FAR2: variants seen among roughly 807,000 people sequenced by gnomAD.
FAR2 encodes the protein epididymis secretory protein Li 81.
Under a neutral mutation model 56.0 loss-of-function variants are expected in FAR2, and 19 were observed. That is an observed-to-expected ratio of 0.34 (90% CI 0.24 to 0.50). The LOEUF (loss-of-function observed/expected upper bound fraction) is 0.50. Among genes scored for constraint, FAR2 ranks in the 20% least tolerant of loss-of-function variants. The pLI is 0.98. For synonymous variants in FAR2, 219 were observed against 218.8 expected (o/e 1.00, Z -0.01); for missense variants, 508 against 642.2 (o/e 0.79, Z 2.26).
At position 29,322,626 on chromosome 12, in the gene FAR2, A is replaced by T. The variant is rs750343833; in HGVS notation, c.1257+702A>T. Among the ~76,000 whole-genome samples the T allele has an allele frequency of 8.5e-5, 13 of 152,204 alleles. 1 individual carries two copies. Among genetic ancestry groups the T allele is most frequent in the Non-Finnish European group, 8.8e-5 (6 of 68,040 alleles). On this transcript the variant is annotated intron_variant, in intron 10 of 11. Coordinates refer to ENST00000536681, the MANE Select transcript of FAR2 (RefSeq NM_001271783.2). Reference sequence around the variant, plus strand: ...ATTCTGAAATTCTTTTGTATATTATACATGTTCCTAGCCTTTTTCTCAGTC... The same window carrying T: ...ATTCTGAAATTCTTTTGTATATTATTCATGTTCCTAGCCTTTTTCTCAGTC...
At chr12:29,154,714 C>T (rs1196943408) in intron 1 of FAR2, among the ~76,000 whole-genome samples, 3 of 152,138 alleles carry the variant, frequency 2.0e-5, no homozygotes, top group Non-Finnish European at 4.4e-5. Context: ...CGTGAGCCAC[C>T]GCACTGGGCC....
At chr12:29,179,963 C>A (rs1949977133) in intron 1 of FAR2, among the ~76,000 whole-genome samples, 1 of 152,176 alleles carries the variant, frequency 6.6e-6, no homozygotes. Context: ...AGTAGCTGGG[C>A]TGAGGAGTAT....
intron 1 of FAR2, among the ~76,000 whole-genome samples, chr12:29,178,803 T>G (rs924261326): frequency 5.3e-5 from 8 of 152,230 alleles, no homozygotes; most frequent in African/African-American, 1.4e-4. Context: ...GTTTATTGAA[T>G]GTTCTGTCTT....
intron 1 of FAR2, among the ~76,000 whole-genome samples, chr12:29,187,023 C>T (rs559308444): frequency 3.9e-4 from 60 of 152,108 alleles, no homozygotes; most frequent in African/African-American, 1.4e-3. Flanking sequence ...CTCCTGGCCT[C>T]GTGATCCGCC....
intron 1 of FAR2, among the ~76,000 whole-genome samples, chr12:29,253,195 CTATCTAGATAGGTATCTATATATCGA>C (rs1565489211): frequency 1.5e-5 from 2 of 136,660 alleles, no homozygotes; most frequent in African/African-American, 5.6e-5. Context: ...CTCTATCTAT[CTATCTAGATAGGTATCTATATATCGA>C]TATCTATCTA....
At chr12:29,271,231 C>T (rs768027270) in intron 2 of FAR2, among the ~76,000 whole-genome samples, 3 of 151,978 alleles carry the variant, frequency 2.0e-5, no homozygotes, top group Non-Finnish European at 4.4e-5. Flanking sequence ...ACCCTCTCTC[C>T]TCTCGGAAAA....
intron 1 of FAR2, among the ~76,000 whole-genome samples, chr12:29,169,939 G>T (rs767279974): frequency 6.6e-6 from 1 of 152,156 alleles, no homozygotes; most frequent in Non-Finnish European, 1.5e-5. Context: ...TATGATTTCC[G>T]TAAGATTAGA....
In FAR2 at chr12:29,265,576, G is replaced by A. The variant is rs182693392; in HGVS notation, c.-38-4836G>A. Among the ~76,000 whole-genome samples, 53 of 152,254 alleles carry A rather than the reference G, an allele frequency of 3.5e-4. No individual in the cohort carries two copies. In the East Asian group the frequency reaches 8.5e-3, roughly 24 times the overall value. On this transcript the variant is annotated intron_variant, in intron 1 of 11. Transcript: ENST00000536681. ...TAAGATCTCGAACTATGAAACTACT[G>A]TAAGAAAACATCAGGGAAAGTCTCC...
intron 1 of FAR2, among the ~76,000 whole-genome samples, chr12:29,152,077 TATC>T (rs1949685663): frequency 6.6e-6 from 1 of 152,218 alleles, no homozygotes; most frequent in African/African-American, 2.4e-5. Flanking sequence ...ACTCCTGAAA[TATC>T]ATTATTTGGA....
At chr12:29,170,729 C>G (rs1360450058) in intron 1 of FAR2, among the ~76,000 whole-genome samples, 1 of 137,986 alleles carries the variant, frequency 7.2e-6, no homozygotes, top group Non-Finnish European at 1.6e-5. Flanking sequence ...CTCTCTGACT[C>G]CTCTTTGTCT....
At chr12:29,260,002 G>C (rs2194517) in intron 1 of FAR2, among the ~76,000 whole-genome samples, 85,221 of 151,928 alleles carry the variant, frequency 0.56, 24,462 homozygotes, top group African/African-American at 0.67. Context: ...GTGAGCTGTT[G>C]TAAAGTAGAA....
chr12:29,331,210 CTTT>C (rs34349053), intron 10 of FAR2, among the ~76,000 whole-genome samples: 2 of 142,104 alleles, frequency 1.4e-5, no homozygotes, highest in Non-Finnish European at 3.0e-5. Flanking sequence ...TAAAGATAGG[CTTT>C]TTTTTTTTTT....
At chr12:29,254,928 G>T (rs1465721256) in intron 1 of FAR2, among the ~76,000 whole-genome samples, 1 of 150,628 alleles carries the variant, frequency 6.6e-6, no homozygotes, top group Non-Finnish European at 1.5e-5. Context: ...ACTCCAGCCT[G>T]GGTGAAAGAG....
chr12:29,247,220 G>C (rs1221352329), intron 1 of FAR2, among the ~76,000 whole-genome samples: 2 of 152,096 alleles, frequency 1.3e-5, no homozygotes, highest in African/African-American at 4.8e-5. Context: ...CTTTCCACAT[G>C]GTTCAAGAAA....
At chr12:29,262,230 G>A (rs1465781505) in intron 1 of FAR2, among the ~76,000 whole-genome samples, 3 of 151,954 alleles carry the variant, frequency 2.0e-5, no homozygotes, top group Admixed American at 6.6e-5. Context: ...TATGCAATCA[G>A]TGTTAAGTTG....
intron 1 of FAR2, among the ~76,000 whole-genome samples, chr12:29,202,839 T>C (rs958477): frequency 0.98 from 149,042 of 152,296 alleles, 73,020 homozygotes; most frequent in Middle Eastern, 1. Flanking sequence ...GCTTCCTGTT[T>C]GGCCTGCAAA....
chr12:29,228,710 C>T (rs1352612928), intron 1 of FAR2, among the ~76,000 whole-genome samples: 6 of 152,186 alleles, frequency 3.9e-5, no homozygotes, highest in Admixed American at 1.3e-4. Context: ...ACCTCATACT[C>T]CTGAGTAGCT....
At chr12:29,285,291 G>C (rs1275848246) in intron 2 of FAR2, among the ~76,000 whole-genome samples, 1 of 152,160 alleles carries the variant, frequency 6.6e-6, no homozygotes, top group Non-Finnish European at 1.5e-5. Context: ...CTCTACATAA[G>C]GCAAAGGCAA....
At chr12:29,159,948 C>A (rs1284884882) in intron 1 of FAR2, among the ~76,000 whole-genome samples, 3 of 152,154 alleles carry the variant, frequency 2.0e-5, no homozygotes, top group Non-Finnish European at 4.4e-5. Flanking sequence ...AGTGGAAAAA[C>A]CCCATTATCT....
Sources: gnomAD v4.1 joint callset for allele counts (sites outside exome capture counted in the v4.1 genomes callset) on GRCh38, gnomAD v4.1.1 for gene constraint, MANE v1.5 for transcripts, NCBI Gene and HGNC (gene_info 2026-07-23, HGNC 2026-07-21) for gene names.